The following PRKCE variants were observed in gnomAD, a reference collection of about 807,000 sequenced individuals.
PRKCE encodes the protein protein kinase C epsilon.
In PRKCE, 16 loss-of-function variants were observed where a neutral mutation model predicts 85.4. The ratio of observed to expected loss-of-function variants is 0.19; its 90% CI spans 0.13 to 0.28. The LOEUF is 0.28. PRKCE is among the 10% of genes least tolerant of loss of function. The probability of loss-of-function intolerance (pLI) is 1.00; values close to 1 mark genes in which losing one functional copy is unlikely to be tolerated. For synonymous variants in PRKCE, 388 were observed against 371.5 expected, an observed-to-expected ratio of 1.04 and a Z score of -0.51; for missense variants, 573 against 975.2, an observed-to-expected ratio of 0.59 and a Z score of 5.49.
At chr2:45,840,865 C>T (rs947040595) in intron 1 of PRKCE, among the ~76,000 whole-genome samples, 1 of 152,142 alleles carries the variant, frequency 6.6e-6, no homozygotes, top group African/African-American at 2.4e-5. Context: ...ATGTGGTGCT[C>T]ATGGTATAGC....
At chr2:45,940,956 C>G (rs1378689061) in intron 2 of PRKCE, among the ~76,000 whole-genome samples, 5 of 149,414 alleles carry the variant, frequency 3.3e-5, no homozygotes, top group African/African-American at 1.2e-4. Flanking sequence ...ATCCCAGCTA[C>G]TTGGGAGGCT....
intron 6 of PRKCE, among the ~76,000 whole-genome samples, chr2:45,988,873 A>G (rs1703565075): frequency 6.6e-6 from 1 of 152,204 alleles, no homozygotes; most frequent in Non-Finnish European, 1.5e-5. Flanking sequence ...CACTGGCACC[A>G]TGGGCCTCTC....
intron 10 of PRKCE, among the ~76,000 whole-genome samples, chr2:46,024,030 C>G (rs916082574): frequency 6.6e-6 from 1 of 152,198 alleles, no homozygotes; most frequent in African/African-American, 2.4e-5. Flanking sequence ...AGCCTAAATT[C>G]AAACCTGGTT....
chr2:45,758,551 A>G (rs2104804537), intron 1 of PRKCE, among the ~76,000 whole-genome samples: 1 of 152,254 alleles, frequency 6.6e-6, no homozygotes, highest in South Asian at 2.1e-4. Flanking sequence ...ACTCCCTCAC[A>G]TATTTTGATC....
intron 1 of PRKCE, among the ~76,000 whole-genome samples, chr2:45,753,365 G>T (rs1429054779): frequency 6.6e-6 from 1 of 152,218 alleles, no homozygotes; most frequent in Non-Finnish European, 1.5e-5. Context: ...TGCCAGAGAA[G>T]TTTTATGGAG....
chr2:46,015,560 G>A (rs76318353), intron 10 of PRKCE, among the ~76,000 whole-genome samples: 1 of 152,046 alleles, frequency 6.6e-6, no homozygotes, highest in Non-Finnish European at 1.5e-5. Flanking sequence ...ACAAAGCAAC[G>A]GGAGACGTTT....
chr2:45,809,688 AG>A (rs1440574840), intron 1 of PRKCE, among the ~76,000 whole-genome samples: 1 of 151,490 alleles, frequency 6.6e-6, no homozygotes, highest in Non-Finnish European at 1.5e-5. Flanking sequence ...GTTTGAGACC[AG>A]CCTGGCCAAC....
intron 2 of PRKCE, among the ~76,000 whole-genome samples, chr2:45,927,473 A>T (rs924088860): frequency 6.6e-6 from 1 of 152,224 alleles, no homozygotes; most frequent in Admixed American, 6.5e-5. Context: ...ACCTCCCTCC[A>T]GGTCTCATAG....
At chr2:45,711,955 T>C (rs948240702) in intron 1 of PRKCE, among the ~76,000 whole-genome samples, 23 of 151,946 alleles carry the variant, frequency 1.5e-4, no homozygotes, top group African/African-American at 5.6e-4. Flanking sequence ...TATTATGTCC[T>C]ATAAAGGAGG....
intron 1 of PRKCE, among the ~76,000 whole-genome samples, chr2:45,720,860 G>T (rs925805725): frequency 1.3e-5 from 2 of 152,096 alleles, no homozygotes; most frequent in African/African-American, 2.4e-5. Context: ...TGTAATCCCA[G>T]CACTTTGGGA....
intron 1 of PRKCE, among the ~76,000 whole-genome samples, chr2:45,746,050 G>A (rs1489736124): frequency 6.6e-6 from 1 of 152,198 alleles, no homozygotes; most frequent in African/African-American, 2.4e-5. Context: ...TGGAACTGAA[G>A]GAAGTTAGGC....
At chr2:46,048,117 C>A (rs1374949511) in intron 10 of PRKCE, among the ~76,000 whole-genome samples, 2 of 152,168 alleles carry the variant, frequency 1.3e-5, no homozygotes, top group Non-Finnish European at 1.5e-5. Flanking sequence ...CCTCCCACCC[C>A]CTGCCCCTTC....
At chr2:46,136,879 T>C (rs974847640) in intron 11 of PRKCE, among the ~76,000 whole-genome samples, 1 of 152,264 alleles carries the variant, frequency 6.6e-6, no homozygotes, top group African/African-American at 2.4e-5. Flanking sequence ...TTCCACATCA[T>C]TTGTCCCTTT....
intron 6 of PRKCE, among the ~76,000 whole-genome samples, chr2:45,988,533 G>C (rs567247359): frequency 0.031 from 4,660 of 152,284 alleles, 93 homozygotes; most frequent in Middle Eastern, 0.054. Flanking sequence ...CTTGTCCTTT[G>C]CAGCCCACAG....
chr2:45,975,527 T>G (rs888218007), intron 2 of PRKCE, among the ~76,000 whole-genome samples: 1 of 152,158 alleles, frequency 6.6e-6, no homozygotes, highest in African/African-American at 2.4e-5. Context: ...GGCTCAACCC[T>G]CACGACCTCA....
At chr2:45,806,022 G>C (rs756458122) in intron 1 of PRKCE, among the ~76,000 whole-genome samples, 1 of 152,142 alleles carries the variant, frequency 6.6e-6, no homozygotes, top group Non-Finnish European at 1.5e-5. Flanking sequence ...CCATGCTCTT[G>C]AGCTCCCCAC....
chr2:46,088,096 CAT>C (rs1413828586), intron 11 of PRKCE, among the ~76,000 whole-genome samples: 1 of 152,142 alleles, frequency 6.6e-6, no homozygotes, highest in East Asian at 1.9e-4. Context: ...TCAGCTTTGC[CAT>C]ATTCTGTTGG....
intron 1 of PRKCE, among the ~76,000 whole-genome samples, chr2:45,784,347 G>A (rs552253770): frequency 2.6e-5 from 4 of 152,332 alleles, no homozygotes; most frequent in African/African-American, 7.2e-5. Context: ...GTGTGGAACC[G>A]AACCTGCCAA....
chr2:45,836,262 CT>C (rs749543914), intron 1 of PRKCE, among the ~76,000 whole-genome samples: 5 of 152,258 alleles, frequency 3.3e-5, no homozygotes, highest in Non-Finnish European at 5.9e-5. Context: ...GAAAAACGAT[CT>C]GCCCCTCCCC....
Sources: gnomAD v4.1 joint callset for allele counts (sites outside exome capture counted in the v4.1 genomes callset) on GRCh38, gnomAD v4.1.1 for gene constraint, MANE v1.5 for transcripts, NCBI Gene and HGNC (gene_info 2026-07-23, HGNC 2026-07-21) for gene names.